The following PHF21B variants were observed in gnomAD, a reference collection of about 807,000 sequenced individuals.
The protein encoded by PHF21B is PHD finger protein 4.
In PHF21B, 22 loss-of-function variants were observed where a neutral mutation model predicts 62.2. The observed-to-expected ratio is 0.35, with a 90% CI of 0.25 to 0.51. The LOEUF (loss-of-function observed/expected upper bound fraction) is 0.51, where lower values mean the gene tolerates loss of function less well. PHF21B is among the 20% of genes least tolerant of loss of function. PHF21B has a pLI of 0.97. For synonymous variants in PHF21B, 341 were observed against 314.7 expected, an observed-to-expected ratio of 1.08 and a Z score of -0.88; for missense variants, 701 against 707.9, an observed-to-expected ratio of 0.99 and a Z score of 0.11.
intron 2 of PHF21B, among the ~76,000 whole-genome samples, chr22:44,923,497 G>A (rs1163062893): frequency 1.3e-5 from 2 of 151,866 alleles, no homozygotes; most frequent in African/African-American, 4.8e-5. Flanking sequence ...TCGATATAAG[G>A]GCAAAATAAT....
intron 6 of PHF21B, among the ~76,000 whole-genome samples, chr22:44,893,771 T>G (rs982768973): frequency 6.6e-6 from 1 of 152,230 alleles, no homozygotes; most frequent in Non-Finnish European, 1.5e-5. Flanking sequence ...GGCTGGCAGG[T>G]ACCCAGAATC....
intron 2 of PHF21B, among the ~76,000 whole-genome samples, chr22:44,973,624 C>T (rs767121367): frequency 6.6e-6 from 1 of 152,148 alleles, no homozygotes; most frequent in Non-Finnish European, 1.5e-5. Context: ...AGAAACCCCA[C>T]CAGGGTCTCC....
At position 44,889,756 on chromosome 22, in the gene PHF21B, G is replaced by A. The variant is rs777533365; in HGVS notation, c.1038+4C>T. On this transcript the variant is annotated splice_donor_region_variant and intron_variant, in intron 9 of 12. Transcript: ENST00000313237. ...GTGTGAAGACGGAGGGAGGGGACACGTACCTTCCAGCAGGGGTCCTCATTG... is the reference window on the plus strand; with the variant it reads ...GTGTGAAGACGGAGGGAGGGGACACATACCTTCCAGCAGGGGTCCTCATTG... 12 of 1,576,810 alleles carry A rather than the reference G, an allele frequency of 7.6e-6. No individual in the cohort carries two copies. The highest frequency in any genetic ancestry group is 3.8e-5 in the Admixed American group (2 of 52,488).
intron 2 of PHF21B, among the ~76,000 whole-genome samples, chr22:44,992,183 G>GA (rs1013119572): frequency 5.9e-5 from 9 of 152,238 alleles, no homozygotes; most frequent in African/African-American, 2.2e-4. Flanking sequence ...CATGCCCTCT[G>GA]AAGTTGCAGA....
chr22:44,885,937 G>T lies in PHF21B; in HGVS notation c.1199C>A (p.Ala400Asp). 7 of 1,613,938 alleles carry T rather than the reference G, an allele frequency of 4.3e-6. No homozygotes were observed. Among genetic ancestry groups the T allele is most frequent in the Non-Finnish European group, 5.9e-6 (7 of 1,179,932 alleles). Residue 400 changes from alanine to aspartate, a missense_variant and splice_region_variant, in exon 11 of 13, where the codon GCC (alanine) becomes GAC (aspartate). Transcript: ENST00000313237. ...VWVCPRCQQK[A>D]LKKDEGVPWT... ...GGGCACACCCTCGTCTTTCTTTAAG[G>T]CCTGGGGAGCAGACGGGGAGATGAA... is the stretch of plus-strand genomic sequence containing the variant.
chr22:44,940,325 G>A (rs1262208595), intron 2 of PHF21B, among the ~76,000 whole-genome samples: 6 of 152,182 alleles, frequency 3.9e-5, no homozygotes, highest in African/African-American at 1.4e-4. Flanking sequence ...CAGCGCCAAT[G>A]CCACGTCCCT....
chr22:44,949,301 C>CAAAAAAAAAAAAAA (rs1173438062), intron 2 of PHF21B, among the ~76,000 whole-genome samples: 1 of 42,464 alleles, frequency 2.4e-5, no homozygotes, highest in Non-Finnish European at 5.1e-5. Context: ...AACTCCATCT[C>CAAAAAAAAAAAAAA]AAAAAAAAGA....
At chr22:44,955,965 T>C (rs932559713) in intron 2 of PHF21B, among the ~76,000 whole-genome samples, 2 of 152,148 alleles carry the variant, frequency 1.3e-5, no homozygotes, top group African/African-American at 4.8e-5. Context: ...TCCCTGGCAG[T>C]TCTATATGAG....
At chr22:44,920,632 A>T in intron 2 of PHF21B, 142 bp from the exon 3 acceptor site, 1 of 535,078 alleles carries the variant, frequency 1.9e-6, no homozygotes, top group Non-Finnish European at 3.3e-6. Flanking sequence ...ATTTTTAAAA[A>T]ATCACAATAG....
rs533392511 is a variant in PHF21B, at chr22:44,903,886, T to C, written c.832-7803A>G. ...AGCACACAACTGGATTGTGTTGTTT[T>C]TAAGCCTGTTTTCATTTCTCTAAAA... On this transcript the variant is annotated intron_variant, in intron 5 of 12. Coordinates refer to ENST00000313237, the MANE Select transcript of PHF21B (RefSeq NM_138415.5). 4.6e-5 allele frequency among the ~76,000 whole-genome samples: 7 copies of C among 152,358 alleles called. No individual in the cohort carries two copies. In the South Asian group the frequency reaches 1.4e-3, roughly 32 times the overall value.
intron 2 of PHF21B, among the ~76,000 whole-genome samples, chr22:44,985,741 T>C (rs900666976): frequency 6.6e-6 from 1 of 152,154 alleles, no homozygotes; most frequent in East Asian, 1.9e-4. Flanking sequence ...TTACTCACCA[T>C]AGGAGGTGGT....
At chr22:44,917,569 T>G (rs1236509238) in intron 3 of PHF21B, among the ~76,000 whole-genome samples, 3 of 152,208 alleles carry the variant, frequency 2.0e-5, no homozygotes, top group Non-Finnish European at 4.4e-5. Flanking sequence ...CCTTCTCATC[T>G]GAACCCCGCT....
At chr22:44,966,030 G>A (rs1185899176) in intron 2 of PHF21B, among the ~76,000 whole-genome samples, 13 of 152,162 alleles carry the variant, frequency 8.5e-5, no homozygotes, top group Admixed American at 8.5e-4. Flanking sequence ...GTCTTCCTCT[G>A]GAGACAGGTG....
At chr22:44,939,421 G>A (rs2071912377) in intron 2 of PHF21B, among the ~76,000 whole-genome samples, 1 of 152,256 alleles carries the variant, frequency 6.6e-6, no homozygotes, top group African/African-American at 2.4e-5. Context: ...TTGCCGCGAA[G>A]TTTCAATGAA....
At chr22:44,952,321 C>A (rs1398505722) in intron 2 of PHF21B, among the ~76,000 whole-genome samples, 2 of 152,136 alleles carry the variant, frequency 1.3e-5, no homozygotes, top group African/African-American at 4.8e-5. Flanking sequence ...CTGGCCTGGG[C>A]AACAAGAGCG....
chr22:44,923,692 G>A (rs2071578134), intron 2 of PHF21B, among the ~76,000 whole-genome samples: 2 of 152,142 alleles, frequency 1.3e-5, no homozygotes, highest in South Asian at 4.2e-4. Flanking sequence ...TCATTAAAAT[G>A]AACACAATAT....
Position 44,947,621 on chromosome 22 carries a change from T to A in PHF21B, c.121-27131A>T, listed in dbSNP as rs1052354583. 3.9e-5 allele frequency among the ~76,000 whole-genome samples: 6 copies of A among 152,334 alleles called. No individual in the cohort carries two copies. The South Asian group carries it at 6.2e-4, about 16-fold the overall frequency. On this transcript the variant is annotated intron_variant, in intron 2 of 12. Coordinates refer to ENST00000313237, the MANE Select transcript of PHF21B (RefSeq NM_138415.5). ...CACCAAATTCTGCCTCTCTGTCATG[T>A]CACACCTTCCACGCGGACCCTGTGG...
chr22:44,916,643 G>A lies in PHF21B; in HGVS notation c.214-13C>T, dbSNP rs1221989673. On this transcript the variant is annotated splice_polypyrimidine_tract_variant and intron_variant, in intron 3 of 12. Transcript: ENST00000313237. The stretch of plus-strand genomic sequence containing the variant: ...TCTTTGGCCTAACCTGGGAAGAAGG[G>A]ACAGGTATGTGGTCAGACAGGCAGA... 4 of 1,597,928 alleles carry A rather than the reference G, an allele frequency of 2.5e-6. No individual in the cohort carries two copies. The East Asian group carries it at 8.9e-5, about 36-fold the overall frequency.
intron 2 of PHF21B, among the ~76,000 whole-genome samples, chr22:44,930,321 G>A (rs1398792339): frequency 6.6e-6 from 1 of 152,232 alleles, no homozygotes; most frequent in Non-Finnish European, 1.5e-5. Context: ...CTTTAAGAAA[G>A]TGATCAGAAG....
Sources: gnomAD v4.1 joint callset for allele counts (sites outside exome capture counted in the v4.1 genomes callset) on GRCh38, gnomAD v4.1.1 for gene constraint, MANE v1.5 for transcripts, NCBI Gene and HGNC (gene_info 2026-07-23, HGNC 2026-07-21) for gene names.